Variants in CBFA2T2 observed in about 807,000 individuals in gnomAD.
CBFA2T2 encodes the protein protein CBFA2T2.
In CBFA2T2, 11 loss-of-function variants were observed where a neutral mutation model predicts 62.2. The observed-to-expected ratio is 0.18, with a 90% CI of 0.11 to 0.29. The LOEUF is 0.29. Among genes scored for constraint, CBFA2T2 ranks in the 10% least tolerant of loss-of-function variants. CBFA2T2 has a pLI of 1.00. For missense variants in CBFA2T2, 592 were observed against 774.1 expected (o/e 0.76, Z 2.79); for synonymous variants, 295 against 287.5 (o/e 1.03, Z -0.27).
rs775142966 is a variant in CBFA2T2, at chr20:33,628,357, T to C, written c.954T>C (p.Asn318=). 1 of 1,610,036 alleles carries C rather than the reference T, an allele frequency of 6.2e-7. No homozygotes were observed. Among genetic ancestry groups the C allele is most frequent in the Non-Finnish European group, 8.5e-7 (1 of 1,176,262 alleles). The change falls in exon 7 of 11, where the codon AAT becomes AAC. Residue 318 remains asparagine (N), a synonymous_variant. Transcript: ENST00000342704. ...ATCTGTAATTTCTAATAGGTCTAAA[T>C]GGAGGCTATCAAGATGAGTTGGTAG... ...VRDRHHSLGL[N]GGYQDELVDH...
chr20:33,610,358 A>G (rs1416327312), intron 2 of CBFA2T2, among the ~76,000 whole-genome samples: 1 of 152,212 alleles, frequency 6.6e-6, no homozygotes, highest in Non-Finnish European at 1.5e-5. Context: ...TCGAAATTAA[A>G]ATTTTCAAGA....
chr20:33,546,562 C>T (rs2012575365), intron 1 of CBFA2T2, among the ~76,000 whole-genome samples: 1 of 151,614 alleles, frequency 6.6e-6, no homozygotes, highest in South Asian at 2.1e-4. Context: ...CTCCCAAGTA[C>T]TCTGCAGGCA....
At chr20:33,586,342 G>C (rs2014369397) in intron 1 of CBFA2T2, among the ~76,000 whole-genome samples, 1 of 152,004 alleles carries the variant, frequency 6.6e-6, no homozygotes, top group African/African-American at 2.4e-5. Context: ...TCACTGTGTT[G>C]TTCAGGCTGG....
chr20:33,616,527 G>A (rs2015719035), intron 3 of CBFA2T2, among the ~76,000 whole-genome samples: 1 of 152,114 alleles, frequency 6.6e-6, no homozygotes, highest in East Asian at 1.9e-4. Context: ...AAGAGTTGGA[G>A]ATCAGCCTGG....
chr20:33,591,043 T>C lies in CBFA2T2; in HGVS notation c.35-15913T>C, dbSNP rs1568837966. On this transcript the variant is annotated intron_variant, in intron 1 of 10. Transcript: ENST00000342704. ...GAAAATAAAAATTTGCCGGGTGTGG[T>C]GGCAGGCATCTGTTAATTCCAGCTA... 4.0e-5 allele frequency among the ~76,000 whole-genome samples: 6 copies of C among 150,810 alleles called. No homozygotes were observed. In the South Asian group the frequency reaches 1.3e-3, roughly 32 times the overall value.
intron 1 of CBFA2T2, among the ~76,000 whole-genome samples, chr20:33,535,562 G>A (rs1289300364): frequency 6.7e-6 from 1 of 148,850 alleles, no homozygotes; most frequent in East Asian, 1.9e-4. Flanking sequence ...AGGCTTCTTT[G>A]TTAGGCCCAG....
At chr20:33,619,893 G>C (rs1425356287) in intron 4 of CBFA2T2, among the ~76,000 whole-genome samples, 1 of 152,186 alleles carries the variant, frequency 6.6e-6, no homozygotes, top group East Asian at 1.9e-4. Context: ...AAGTGGAAGG[G>C]AGGCTGAGGT....
chr20:33,585,894 G>C (rs1450444717), intron 1 of CBFA2T2, among the ~76,000 whole-genome samples: 2 of 152,178 alleles, frequency 1.3e-5, no homozygotes, highest in African/African-American at 4.8e-5. Flanking sequence ...GATGGTTGAG[G>C]AAATGTGGGG....
At chr20:33,566,164 C>T (rs977111554) in intron 1 of CBFA2T2, among the ~76,000 whole-genome samples, 1 of 152,126 alleles carries the variant, frequency 6.6e-6, no homozygotes, top group Non-Finnish European at 1.5e-5. Context: ...GTTCAATATC[C>T]TCCTGGTTGC....
intron 1 of CBFA2T2, among the ~76,000 whole-genome samples, chr20:33,561,244 G>C (rs2069154247): frequency 6.6e-6 from 1 of 151,894 alleles, no homozygotes; most frequent in African/African-American, 2.4e-5. Flanking sequence ...AAACGCCTGA[G>C]CTCAAGCGAC....
At chr20:33,562,565 C>T (rs1383342302) in intron 1 of CBFA2T2, 63 of 985,592 alleles carry the variant, frequency 6.4e-5, no homozygotes, top group Non-Finnish European at 7.1e-5. Context: ...GGCTGGTCTC[C>T]GATTGAGCTT....
intron 1 of CBFA2T2, among the ~76,000 whole-genome samples, chr20:33,578,882 ACC>A (rs1405552463): frequency 6.6e-6 from 1 of 152,102 alleles, no homozygotes; most frequent in African/African-American, 2.4e-5. Flanking sequence ...CTTTAAAAAG[ACC>A]CTTTCATAAG....
chr20:33,558,846 CTTTAT>C (rs1457628503), intron 1 of CBFA2T2, among the ~76,000 whole-genome samples: 1 of 151,092 alleles, frequency 6.6e-6, no homozygotes, highest in Non-Finnish European at 1.5e-5. Context: ...ATTCTTGAAT[CTTTAT>C]TTTAGATTCG....
rs942291622 is a variant in CBFA2T2 at position 33,583,277 on chromosome 20, A to C, written c.35-23679A>C. ...GATTTGAAAAATCAACTGAAAAATCAGTTGTTTTAGTAGTCATTACTACAA... is the reference window on the plus strand; with the variant it reads ...GATTTGAAAAATCAACTGAAAAATCCGTTGTTTTAGTAGTCATTACTACAA... On this transcript the variant is annotated intron_variant, in intron 1 of 10. Coordinates refer to ENST00000342704, the MANE Select transcript of CBFA2T2 (RefSeq NM_001032999.3). Among the ~76,000 whole-genome samples, 5 of 152,354 alleles carry C rather than the reference A, an allele frequency of 3.3e-5. No homozygotes were observed. The East Asian group carries it at 7.7e-4, about 23-fold the overall frequency.
chr20:33,599,706 C>T (rs781704789), intron 1 of CBFA2T2, among the ~76,000 whole-genome samples: 75 of 151,926 alleles, frequency 4.9e-4, no homozygotes, highest in Non-Finnish European at 1.1e-3. Flanking sequence ...CTTCTGCCAG[C>T]CATAGCCTCC....
At chr20:33,574,225 T>C (rs761965143) in intron 1 of CBFA2T2, 1 of 1,613,542 alleles carries the variant, frequency 6.2e-7, no homozygotes, top group Non-Finnish European at 8.5e-7. Context: ...TGGAATAAGC[T>C]TGAAAGAAAT....
chr20:33,508,961 G>A (rs1008971275), intron 1 of CBFA2T2, among the ~76,000 whole-genome samples: 2 of 152,158 alleles, frequency 1.3e-5, no homozygotes, highest in African/African-American at 4.8e-5. Flanking sequence ...TTAAAGAAAG[G>A]ATTTCTTTGT....
intron 1 of CBFA2T2, among the ~76,000 whole-genome samples, chr20:33,497,238 A>C (rs1236844366): frequency 7.5e-6 from 1 of 132,574 alleles, no homozygotes; most frequent in Non-Finnish European, 1.5e-5. Flanking sequence ...ACGCCATTGC[A>C]CTCCAGCCTG....
At chr20:33,640,746 CAT>C (rs370686833) in intron 10 of CBFA2T2, among the ~76,000 whole-genome samples, 2 of 151,534 alleles carry the variant, frequency 1.3e-5, no homozygotes, top group East Asian at 1.9e-4. Flanking sequence ...TACATACATA[CAT>C]ATATATATAG....
Sources: gnomAD v4.1 joint callset for allele counts (sites outside exome capture counted in the v4.1 genomes callset) on GRCh38, gnomAD v4.1.1 for gene constraint, MANE v1.5 for transcripts, NCBI Gene and HGNC (gene_info 2026-07-23, HGNC 2026-07-21) for gene names.